MAN1A1: variants seen among roughly 807,000 people sequenced by gnomAD.
MAN1A1 encodes mannosidase alpha class 1A member 1, also known as mannosyl-oligosaccharide 1,2-alpha-mannosidase IA.
In MAN1A1, 29 loss-of-function variants were observed where a neutral mutation model predicts 70.8. That is an observed-to-expected ratio of 0.41 (90% CI 0.31 to 0.56). The LOEUF is 0.56. MAN1A1 is among the 20% of genes least tolerant of loss of function. The pLI is 0.29. For synonymous variants in MAN1A1, 349 were observed against 330.1 expected (o/e 1.06, Z -0.62); for missense variants, 747 against 841.3 (o/e 0.89, Z 1.39).
intron 6 of MAN1A1, among the ~76,000 whole-genome samples, chr6:119,208,803 A>G (rs1200198078): frequency 6.6e-6 from 1 of 152,144 alleles, no homozygotes; most frequent in African/African-American, 2.4e-5. Flanking sequence ...AGGTAACTCA[A>G]GGTACAGGTT....
intron 6 of MAN1A1, among the ~76,000 whole-genome samples, chr6:119,212,074 T>C (rs1192584450): frequency 6.6e-6 from 1 of 151,788 alleles, no homozygotes; most frequent in African/African-American, 2.4e-5. Flanking sequence ...TCTCCCAACC[T>C]CATGATCTGC....
chr6:119,290,433 T>C (rs915499590), intron 5 of MAN1A1, among the ~76,000 whole-genome samples: 2 of 151,990 alleles, frequency 1.3e-5, no homozygotes, highest in Non-Finnish European at 2.9e-5. Context: ...AATCACACCA[T>C]ACATAACATA....
At chr6:119,227,117 G>A (rs1774537408) in intron 6 of MAN1A1, among the ~76,000 whole-genome samples, 1 of 152,138 alleles carries the variant, frequency 6.6e-6, no homozygotes, top group East Asian at 1.9e-4. Context: ...AGTATACACA[G>A]AATACTTACT....
At position 119,194,589 on chromosome 6, in the gene MAN1A1, AGAGG is replaced by A. The variant is rs138722494; in HGVS notation, c.1211-701_1211-698del. ...TCCTCCCACCTGGGCCTCTCACAGA[AGAGG>A]GATTACAGGCATGAACCACTGTGCT... On this transcript the variant is annotated intron_variant, in intron 8 of 12. Transcript: ENST00000368468. Among the ~76,000 whole-genome samples, 855 of 152,274 alleles carry A rather than the reference AGAGG, an allele frequency of 5.6e-3. 26 individuals carry two copies. In the East Asian group the frequency reaches 0.081, roughly 14 times the overall value.
chr6:119,326,830 G>A (rs561486589), intron 2 of MAN1A1, among the ~76,000 whole-genome samples: 7 of 152,242 alleles, frequency 4.6e-5, no homozygotes, highest in South Asian at 4.1e-4. Context: ...GGGATTATGG[G>A]GATTACAATT....
intron 5 of MAN1A1, chr6:119,269,028 G>C (rs1445288212): frequency 6.5e-6 from 1 of 152,826 alleles, no homozygotes; most frequent in East Asian, 1.9e-4. Flanking sequence ...GTACCAGGCT[G>C]TCTGTGGCAC....
intron 2 of MAN1A1, among the ~76,000 whole-genome samples, chr6:119,338,846 T>C (rs1160494859): frequency 6.6e-6 from 1 of 152,156 alleles, no homozygotes; most frequent in Admixed American, 6.5e-5. Context: ...GTGTGCAATC[T>C]AGGGGAAAAA....
At chr6:119,310,335 T>C (rs575765748) in intron 2 of MAN1A1, among the ~76,000 whole-genome samples, 1 of 152,354 alleles carries the variant, frequency 6.6e-6, no homozygotes, top group South Asian at 2.1e-4. Context: ...ACATGATTTT[T>C]CCAGACAGAT....
At chr6:119,284,868 T>A (rs1776320921) in intron 5 of MAN1A1, among the ~76,000 whole-genome samples, 1 of 152,200 alleles carries the variant, frequency 6.6e-6, no homozygotes, top group South Asian at 2.1e-4. Context: ...GTCTACAGCA[T>A]ATGAAAAATA....
At chr6:119,223,368 C>T (rs918711056) in intron 6 of MAN1A1, among the ~76,000 whole-genome samples, 1 of 151,816 alleles carries the variant, frequency 6.6e-6, no homozygotes, top group Admixed American at 6.6e-5. Flanking sequence ...TTAGCAGAAA[C>T]CAAACACCAC....
At position 119,348,775 on chromosome 6, in the gene MAN1A1, C is replaced by A; in HGVS notation, c.291G>T (p.Ala97=). 1 of 1,447,336 alleles carries A rather than the reference C, an allele frequency of 6.9e-7. No homozygotes were observed. 89.7% of individuals were successfully genotyped at this position (1,447,336 alleles called of 1,614,324 possible). A position where few individuals can be genotyped will look rare whatever the true frequency, so the allele number is the denominator to read the frequency against. ...KPGPGARAED[A]AEGRARRREE... is the part of the protein sequence containing the mutation. ...CGCGGCGCCGGGCTCGCCCCTCGGC[C>A]GCGTCCTCGGCGCGCGCCCCGGGCC... is the stretch of plus-strand genomic sequence containing the variant. Residue 97 remains alanine (A), a synonymous_variant, in exon 2 of 13, where the codon GCG becomes GCT. Coordinates refer to ENST00000368468, the MANE Select transcript of MAN1A1 (RefSeq NM_005907.4).
At chr6:119,317,056 TTG>T (rs1178831757) in intron 2 of MAN1A1, among the ~76,000 whole-genome samples, 1 of 152,166 alleles carries the variant, frequency 6.6e-6, no homozygotes, top group East Asian at 1.9e-4. Context: ...ATCCTTTCTT[TTG>T]TGTGTGTATG....
intron 2 of MAN1A1, among the ~76,000 whole-genome samples, chr6:119,320,001 G>A (rs975607853): frequency 6.6e-6 from 1 of 151,924 alleles, no homozygotes; most frequent in African/African-American, 2.4e-5. Context: ...AAGAGACGGA[G>A]TCTTGCTGTG....
intron 6 of MAN1A1, among the ~76,000 whole-genome samples, chr6:119,215,543 C>T (rs1423607613): frequency 2.0e-5 from 3 of 152,094 alleles, no homozygotes; most frequent in Non-Finnish European, 4.4e-5. Flanking sequence ...CCAGATAGAT[C>T]TGGTGTGAAA....
At chr6:119,239,053 G>A (rs978846992) in intron 6 of MAN1A1, among the ~76,000 whole-genome samples, 1 of 152,070 alleles carries the variant, frequency 6.6e-6, no homozygotes, top group African/African-American at 2.4e-5. Flanking sequence ...ACCGCGCCTG[G>A]CTAATTTTTT....
chr6:119,306,923 T>C lies in MAN1A1; in HGVS notation c.673A>G (p.Lys225Glu). The C allele has an allele frequency of 1.9e-6, 3 of 1,598,076 alleles. No homozygotes were observed. The highest frequency in any genetic ancestry group is 2.6e-6 in the Non-Finnish European group (3 of 1,165,580). Reference sequence around the variant, plus strand: ...AACAAACTGCTTGAATGGCCTCCTTTTGATATAGGTTTGAGTTCATTTAAT... The same window carrying C: ...AACAAACTGCTTGAATGGCCTCCTTCTGATATAGGTTTGAGTTCATTTAAT... ...WGLNELKPIS[K>E]GGHSSSLFGN... The change falls in exon 3 of 13, where the codon AAA becomes GAA. Residue 225 changes from lysine to glutamate, a missense_variant. By Grantham distance (56) the Lys-to-Glu change is moderately conservative. Transcript: ENST00000368468.
chr6:119,335,338 T>C (rs188361224), intron 2 of MAN1A1, among the ~76,000 whole-genome samples: 1 of 152,292 alleles, frequency 6.6e-6, no homozygotes, highest in East Asian at 1.9e-4. Context: ...TTCACATACA[T>C]TTTCTATTTT....
At position 119,260,976 on chromosome 6, in the gene MAN1A1, G is replaced by GCTTTTTTTTTTTTT. The variant is rs1554209499; in HGVS notation, c.898-12623_898-12622insAAAAAAAAAAAAAG. On this transcript the variant is annotated intron_variant, in intron 5 of 12. Coordinates refer to ENST00000368468, the MANE Select transcript of MAN1A1 (RefSeq NM_005907.4). Reference sequence around the variant, plus strand: ...TATCTAAATGTCTTGTTTTTTTATTGTTTTTTTTTTTTTTTTTTTTGAGAT... The same window carrying GCTTTTTTTTTTTTT: ...TATCTAAATGTCTTGTTTTTTTATTGCTTTTTTTTTTTTTTTTTTTTTTTTTTTTTTTTTGAGAT... Among the ~76,000 whole-genome samples, 96 of 116,950 alleles carry GCTTTTTTTTTTTTT rather than the reference G, an allele frequency of 8.2e-4. 10 individuals carry two copies. Among genetic ancestry groups the GCTTTTTTTTTTTTT allele is most frequent in the African/African-American group, 1.2e-3 (37 of 29,864 alleles). 76.7% of individuals were successfully genotyped at this position (116,950 alleles called of 152,430 possible). A position where few individuals can be genotyped will look rare whatever the true frequency, so the allele number is the denominator to read the frequency against.
intron 6 of MAN1A1, among the ~76,000 whole-genome samples, chr6:119,211,824 T>A (rs1774058997): frequency 6.6e-6 from 1 of 151,510 alleles, no homozygotes; most frequent in African/African-American, 2.4e-5. Flanking sequence ...CTTTTTTTTT[T>A]AAATGAAATA....
Sources: gnomAD v4.1 joint callset for allele counts (sites outside exome capture counted in the v4.1 genomes callset) on GRCh38, gnomAD v4.1.1 for gene constraint, MANE v1.5 for transcripts, NCBI Gene and HGNC (gene_info 2026-07-23, HGNC 2026-07-21) for gene names.